The following CCDC60 variants were observed in gnomAD, a reference collection of about 807,000 sequenced individuals.
CCDC60 encodes the protein coiled-coil domain-containing protein 60.
In CCDC60, 54 loss-of-function variants were observed where a neutral mutation model predicts 63.5. The observed-to-expected ratio is 0.85, with a 90% CI of 0.68 to 1.07. The LOEUF (loss-of-function observed/expected upper bound fraction) is 1.07. Among genes scored for constraint, CCDC60 ranks in the 50% least tolerant of loss-of-function variants. CCDC60 has a pLI of 0.00. For missense variants in CCDC60, 651 were observed against 684.3 expected (o/e 0.95, Z 0.54); for synonymous variants, 206 against 238.8 (o/e 0.86, Z 1.27).
At chr12:119,531,243 T>C (rs1206798196) in intron 13 of CCDC60, among the ~76,000 whole-genome samples, 180 bp downstream of exon 13, 1 of 152,198 alleles carries the variant, frequency 6.6e-6, no homozygotes, top group Non-Finnish European at 1.5e-5. Context: ...GCAAGGGACA[T>C]TATATTCTAT....
intron 1 of CCDC60, among the ~76,000 whole-genome samples, chr12:119,370,599 TG>T (rs1955887948): frequency 6.6e-6 from 1 of 152,184 alleles, no homozygotes; most frequent in African/African-American, 2.4e-5. Flanking sequence ...CACTCCTCCC[TG>T]CTCATCTCAG....
chr12:119,498,812 A>G (rs906623912), intron 5 of CCDC60, among the ~76,000 whole-genome samples: 2 of 152,240 alleles, frequency 1.3e-5, no homozygotes, highest in African/African-American at 4.8e-5. Flanking sequence ...CAGTCGATCA[A>G]TCGATATGTA....
chr12:119,524,818 TTTTTTGG>T (rs1371129098), intron 11 of CCDC60, among the ~76,000 whole-genome samples: 1 of 147,824 alleles, frequency 6.8e-6, no homozygotes, highest in Admixed American at 6.9e-5. Context: ...GAGTGATAAG[TTTTTTGG>T]TTTTTGGTTT....
chr12:119,340,971 T>C (rs527418652), intron 1 of CCDC60, among the ~76,000 whole-genome samples: 6 of 152,220 alleles, frequency 3.9e-5, no homozygotes, highest in Non-Finnish European at 8.8e-5. Flanking sequence ...CACTCATGAC[T>C]TAAGCCAGGA....
intron 5 of CCDC60, among the ~76,000 whole-genome samples, chr12:119,496,599 GCT>G (rs1470837228): frequency 1.3e-5 from 2 of 152,202 alleles, no homozygotes; most frequent in African/African-American, 2.4e-5. Flanking sequence ...ACTGTATTCA[GCT>G]CTCTGTACAC....
At chr12:119,506,354 G>A (rs1390917054) in intron 7 of CCDC60, among the ~76,000 whole-genome samples, 2 of 147,964 alleles carry the variant, frequency 1.4e-5, no homozygotes, top group Admixed American at 1.4e-4. Context: ...TGTAATCCCA[G>A]AACTTAGGGA....
chr12:119,349,644 C>T (rs765034482), intron 1 of CCDC60, among the ~76,000 whole-genome samples: 3 of 152,026 alleles, frequency 2.0e-5, no homozygotes, highest in Non-Finnish European at 4.4e-5. Context: ...TGGCCCAGGG[C>T]GTGTTTCAAG....
chr12:119,517,724 GT>G (rs1952391387), intron 8 of CCDC60, among the ~76,000 whole-genome samples: 1 of 152,120 alleles, frequency 6.6e-6, no homozygotes, highest in Non-Finnish European at 1.5e-5. Flanking sequence ...AAGGATTCTG[GT>G]TTTTATTCTA....
At chr12:119,413,983 C>A (rs1280036326) in intron 1 of CCDC60, among the ~76,000 whole-genome samples, 1 of 152,070 alleles carries the variant, frequency 6.6e-6, no homozygotes, top group African/African-American at 2.4e-5. Context: ...CTCACCTCTT[C>A]TCCCAGGCCC....
intron 1 of CCDC60, among the ~76,000 whole-genome samples, chr12:119,396,138 A>G (rs1315989026): frequency 6.6e-6 from 1 of 151,910 alleles, no homozygotes; most frequent in African/African-American, 2.4e-5. Flanking sequence ...GAGTCTCACC[A>G]TGTTGGCCAG....
chr12:119,412,233 C>T (rs916105051), intron 1 of CCDC60, among the ~76,000 whole-genome samples: 2 of 151,980 alleles, frequency 1.3e-5, no homozygotes, highest in Non-Finnish European at 2.9e-5. Context: ...TCTCTTTCAC[C>T]AGTGGCTTAA....
chr12:119,368,523 G>A (rs553139202), intron 1 of CCDC60, among the ~76,000 whole-genome samples: 3 of 152,128 alleles, frequency 2.0e-5, no homozygotes, highest in Admixed American at 1.3e-4. Context: ...AACACAGGGC[G>A]GTACTCTCGG....
intron 1 of CCDC60, among the ~76,000 whole-genome samples, chr12:119,339,969 G>A (rs560939786): frequency 6.6e-6 from 1 of 152,298 alleles, no homozygotes; most frequent in South Asian, 2.1e-4. Context: ...CACTTACTAG[G>A]TTGTGTGATC....
intron 5 of CCDC60, among the ~76,000 whole-genome samples, chr12:119,496,957 G>C (rs1356656092): frequency 6.6e-6 from 1 of 152,140 alleles, no homozygotes; most frequent in Non-Finnish European, 1.5e-5. Context: ...AATCTCAGCA[G>C]TTTAAGGCAA....
At position 119,456,060 on chromosome 12, in the gene CCDC60, A is replaced by AAAGG. The variant is rs1224088473; in HGVS notation, c.171-15931_171-15930insGAAG. On this transcript the variant is annotated intron_variant, in intron 2 of 13. Coordinates refer to ENST00000327554, the MANE Select transcript of CCDC60 (RefSeq NM_178499.5). The surrounding 1 kb of genome is among the most constrained non-coding windows in gnomAD (Gnocchi z 4.6). ...GAAAGAAAGAAAGAAAGAAAGAAAG[A>AAAGG]AAGCAAGCAAGCATGTGCAATTTCA... 8.4e-6 allele frequency among the ~76,000 whole-genome samples: 1 copy of AAAGG among 118,784 alleles called. No individual in the cohort carries two copies. Among genetic ancestry groups the AAAGG allele is most frequent in the Non-Finnish European group, 1.8e-5 (1 of 56,408 alleles). 77.9% of individuals were successfully genotyped at this position (118,784 alleles called of 152,430 possible). A position where few individuals can be genotyped will look rare whatever the true frequency, so the allele number is the denominator to read the frequency against.
At chr12:119,443,888 C>G (rs1465992830) in intron 2 of CCDC60, among the ~76,000 whole-genome samples, 1 of 152,176 alleles carries the variant, frequency 6.6e-6, no homozygotes, top group East Asian at 1.9e-4. Context: ...TAAAGTCTGC[C>G]TCACAGGGTT....
chr12:119,460,051 A>G (rs893045938), intron 2 of CCDC60, among the ~76,000 whole-genome samples: 6 of 152,142 alleles, frequency 3.9e-5, no homozygotes, highest in African/African-American at 1.4e-4. Context: ...GCTGGACCAC[A>G]CTTTGATTTG....
intron 1 of CCDC60, among the ~76,000 whole-genome samples, chr12:119,389,607 G>T (rs1387635996): frequency 6.6e-6 from 1 of 151,982 alleles, no homozygotes; most frequent in Admixed American, 6.6e-5. Context: ...CACTACTTGT[G>T]CTCACAAAGC....
At chr12:119,406,922 TTCA>T (rs1347186615) in intron 1 of CCDC60, among the ~76,000 whole-genome samples, 1 of 152,206 alleles carries the variant, frequency 6.6e-6, no homozygotes, top group East Asian at 1.9e-4. Context: ...GTAAAGTTCC[TTCA>T]TCAGCAGTGA....
Sources: gnomAD v4.1 joint callset for allele counts (sites outside exome capture counted in the v4.1 genomes callset) on GRCh38, gnomAD v4.1.1 for gene constraint, Gnocchi (gnomAD v3.1) non-coding constraint, MANE v1.5 for transcripts, NCBI Gene and HGNC (gene_info 2026-07-23, HGNC 2026-07-21) for gene names.